RSU1: variants seen among roughly 807,000 people sequenced by gnomAD.
The protein encoded by RSU1 is rsu-1.
RSU1 carries 26 observed loss-of-function variants against 31.1 expected under a neutral mutation model. That is an observed-to-expected ratio of 0.84 (90% confidence interval 0.61 to 1.16). The LOEUF is 1.16. RSU1 is among the 50% of genes most tolerant of loss of function. The pLI, the probability that RSU1 is intolerant of heterozygous loss-of-function variation, is 0.00. For synonymous variants in RSU1, 164 were observed against 136.3 expected (o/e 1.20, Z -1.41); for missense variants, 320 against 339.1 (o/e 0.94, Z 0.44).
chr10:16,806,798 G>C (rs149498607), intron 2 of RSU1, among the ~76,000 whole-genome samples: 159 of 152,254 alleles, frequency 1.0e-3, no homozygotes, highest in Non-Finnish European at 1.9e-3. Flanking sequence ...TTGTCGCCCA[G>C]GCTGGAGTAC....
At chr10:16,780,045 ACAGT>A (rs1053597940) in intron 3 of RSU1, among the ~76,000 whole-genome samples, 2 of 152,206 alleles carry the variant, frequency 1.3e-5, no homozygotes, top group African/African-American at 2.4e-5. Flanking sequence ...GGATTCTTTC[ACAGT>A]CAGTCTCCTG....
intron 7 of RSU1, among the ~76,000 whole-genome samples, chr10:16,703,849 G>A (rs1835842852): frequency 6.6e-6 from 1 of 152,200 alleles, no homozygotes; most frequent in Non-Finnish European, 1.5e-5. Flanking sequence ...GTTATTTTTG[G>A]ATGACAGATC....
At chr10:16,718,319 A>G (rs959819823) in intron 7 of RSU1, among the ~76,000 whole-genome samples, 8 of 152,234 alleles carry the variant, frequency 5.3e-5, no homozygotes, top group Non-Finnish European at 1.2e-4. Context: ...AAGGGTACAC[A>G]GAATTTATAC....
chr10:16,718,764 T>A (rs902953586), intron 7 of RSU1, among the ~76,000 whole-genome samples: 2 of 152,036 alleles, frequency 1.3e-5, no homozygotes, highest in Non-Finnish European at 2.9e-5. Flanking sequence ...GCAGATCACC[T>A]GAGGTTAGTA....
intron 8 of RSU1, among the ~76,000 whole-genome samples, chr10:16,657,367 T>G (rs574854742): frequency 1.3e-5 from 2 of 152,328 alleles, no homozygotes; most frequent in African/African-American, 2.4e-5. Context: ...GGCTGTCTGG[T>G]AGTAAGAGTA....
chr10:16,783,016 T>G (rs55949958), intron 2 of RSU1, among the ~76,000 whole-genome samples: 3 of 151,604 alleles, frequency 2.0e-5, no homozygotes, highest in African/African-American at 7.3e-5. Flanking sequence ...GTTCAAATGA[T>G]TCTCCTGCCT....
chr10:16,705,086 C>G (rs1311836716), intron 7 of RSU1, among the ~76,000 whole-genome samples: 5 of 152,192 alleles, frequency 3.3e-5, no homozygotes, highest in African/African-American at 1.2e-4. Context: ...GTGATTTTGA[C>G]TGTTCTAAGT....
intron 7 of RSU1, among the ~76,000 whole-genome samples, chr10:16,719,095 G>A (rs768734206): frequency 2.6e-4 from 40 of 152,144 alleles, no homozygotes; most frequent in Middle Eastern, 3.5e-3. Flanking sequence ...ATTGCTTGAC[G>A]GCAGGAGTTG....
At chr10:16,730,897 C>A (rs1438691614) in intron 7 of RSU1, among the ~76,000 whole-genome samples, 1 of 152,106 alleles carries the variant, frequency 6.6e-6, no homozygotes, top group Non-Finnish European at 1.5e-5. Context: ...GATCTTGGCT[C>A]ATTACAACCT....
At chr10:16,688,864 C>T (rs1835488993) in intron 8 of RSU1, among the ~76,000 whole-genome samples, 1 of 147,738 alleles carries the variant, frequency 6.8e-6, no homozygotes. Flanking sequence ...GAAAACTAGC[C>T]AGGCGTTGTG....
At chr10:16,604,006 A>G (rs928387049) in intron 8 of RSU1, among the ~76,000 whole-genome samples, 3 of 152,112 alleles carry the variant, frequency 2.0e-5, no homozygotes, top group African/African-American at 7.2e-5. Context: ...CATCTAATGG[A>G]CCTCTTAAAA....
rs144876545 is a variant in RSU1, at chr10:16,706,424, C to T, written c.599-11269G>A. 2.8e-3 allele frequency among the ~76,000 whole-genome samples: 425 copies of T among 152,274 alleles called. 2 individuals carry two copies. The highest frequency in any genetic ancestry group is 9.6e-3 in the African/African-American group (401 of 41,562). On this transcript the variant is annotated intron_variant, in intron 7 of 8. Coordinates refer to ENST00000345264, the MANE Select transcript of RSU1 (RefSeq NM_012425.4). ...CCTTGGGAAAAAGTTATTCAAGTCCCTTGCCATTTTTCAACTGGGTTGTGT... is the reference window on the plus strand; with the variant it reads ...CCTTGGGAAAAAGTTATTCAAGTCCTTTGCCATTTTTCAACTGGGTTGTGT...
At chr10:16,792,485 C>G (rs1169327490) in intron 2 of RSU1, among the ~76,000 whole-genome samples, 2 of 152,190 alleles carry the variant, frequency 1.3e-5, no homozygotes, top group Non-Finnish European at 2.9e-5. Context: ...CCCGCCTCAG[C>G]CTCCCAAAGC....
chr10:16,597,150 G>A (rs995031484), intron 8 of RSU1, among the ~76,000 whole-genome samples: 1 of 152,184 alleles, frequency 6.6e-6, no homozygotes. Context: ...GGAGCAGTAG[G>A]AATTGAGAGG....
At chr10:16,788,955 CATCT>C (rs1837855950) in intron 2 of RSU1, among the ~76,000 whole-genome samples, 2 of 152,180 alleles carry the variant, frequency 1.3e-5, no homozygotes, top group African/African-American at 4.8e-5. Context: ...GCAGACCATC[CATCT>C]GAGAGTCACT....
intron 7 of RSU1, among the ~76,000 whole-genome samples, chr10:16,743,550 T>C (rs1836791464): frequency 6.6e-6 from 1 of 152,176 alleles, no homozygotes; most frequent in East Asian, 1.9e-4. Context: ...AGTGATCAAT[T>C]GACAAAGTCA....
At chr10:16,716,275 G>A (rs761010888) in intron 7 of RSU1, among the ~76,000 whole-genome samples, 4 of 152,192 alleles carry the variant, frequency 2.6e-5, no homozygotes, top group Non-Finnish European at 4.4e-5. Flanking sequence ...TCAACTGAGT[G>A]TAGCAGGACT....
At chr10:16,677,260 T>C (rs1008857116) in intron 8 of RSU1, among the ~76,000 whole-genome samples, 4 of 152,206 alleles carry the variant, frequency 2.6e-5, no homozygotes, top group East Asian at 1.9e-4. Flanking sequence ...ACGATGACTG[T>C]CCGTTTTCTC....
rs575397574 is a variant in RSU1 at position 16,789,148 on chromosome 10, A to G, written c.110-7064T>C. Reference sequence around the variant, plus strand: ...AAAACTGGTTCTTTTCAGTCATTTCATTGTGTCCTTTCAACAAACACTTAG... The same window carrying G: ...AAAACTGGTTCTTTTCAGTCATTTCGTTGTGTCCTTTCAACAAACACTTAG... On this transcript the variant is annotated intron_variant, in intron 2 of 8. Transcript: ENST00000345264. Among the ~76,000 whole-genome samples, 11 of 152,342 alleles carry G rather than the reference A, an allele frequency of 7.2e-5. No individual in the cohort carries two copies. In the South Asian group the frequency reaches 1.0e-3, roughly 14 times the overall value.
Sources: allele counts gnomAD v4.1 joint callset (sites outside exome capture counted in the v4.1 genomes callset), GRCh38; gene constraint gnomAD v4.1.1; transcripts MANE v1.5; gene names NCBI Gene and HGNC (gene_info 2026-07-23, HGNC 2026-07-21).